GRM8: variants seen among roughly 807,000 people sequenced by gnomAD.
The protein encoded by GRM8 is glutamate metabotropic receptor 8.
Under a neutral mutation model 87.2 loss-of-function variants are expected in GRM8, and 47 were observed. The observed-to-expected ratio is 0.54, with a 90% CI of 0.43 to 0.69. The LOEUF is 0.69. Ranked by LOEUF, GRM8 falls within the 30% of genes least tolerant of loss-of-function variation. The pLI is 0.00. For missense variants in GRM8, 1,019 were observed against 1,139.2 expected (o/e 0.89, Z 1.52); for synonymous variants, 396 against 404.5 (o/e 0.98, Z 0.25).
chr7:126,531,632 G>C (rs1490458954), intron 9 of GRM8, among the ~76,000 whole-genome samples: 1 of 152,174 alleles, frequency 6.6e-6, no homozygotes, highest in Non-Finnish European at 1.5e-5. Flanking sequence ...TTATTGTTCT[G>C]AGAGAAAATG....
intron 8 of GRM8, among the ~76,000 whole-genome samples, chr7:126,558,437 C>T (rs1793370996): frequency 1.3e-5 from 2 of 152,140 alleles, no homozygotes; most frequent in South Asian, 2.1e-4. Context: ...GGTAGCTTAA[C>T]CACAAAGCCA....
At position 126,522,054 on chromosome 7, in the gene GRM8, T is replaced by G. The variant is rs1813061112; in HGVS notation, c.2430+10898A>C. Reference sequence around the variant, plus strand: ...AGTCATTAGCCATTTAAAAACTGGTTTGCTCTTTTAGTCCAGACCAGAGAG... The same window carrying G: ...AGTCATTAGCCATTTAAAAACTGGTGTGCTCTTTTAGTCCAGACCAGAGAG... On this transcript the variant is annotated intron_variant, in intron 9 of 10. Transcript: ENST00000339582. Among the ~76,000 whole-genome samples, 2 of 152,206 alleles carry G rather than the reference T, an allele frequency of 1.3e-5. 1 individual carries two copies. Among genetic ancestry groups the G allele is most frequent in the South Asian group, 4.1e-4 (2 of 4,834 alleles).
intron 2 of GRM8, among the ~76,000 whole-genome samples, chr7:127,169,615 T>C (rs1793669605): frequency 6.6e-6 from 1 of 151,746 alleles, no homozygotes; most frequent in African/African-American, 2.4e-5. Context: ...CCATCCAGGA[T>C]TAACTAGAGA....
At chr7:126,905,515 G>A (rs1439512301) in intron 3 of GRM8, among the ~76,000 whole-genome samples, 1 of 152,116 alleles carries the variant, frequency 6.6e-6, no homozygotes, top group Non-Finnish European at 1.5e-5. Context: ...ACTGCATTAT[G>A]GTATAAACAG....
intron 8 of GRM8, among the ~76,000 whole-genome samples, chr7:126,603,425 A>C (rs1798021163): frequency 1.3e-5 from 2 of 151,448 alleles, no homozygotes; most frequent in Admixed American, 6.6e-5. Flanking sequence ...GTATTCAATT[A>C]GGAAAAGAGG....
rs1281030134 is a variant in GRM8, at chr7:127,252,622, C to T, written c.-312+175G>A. ...ATATGAGAAGGAATGGTGCACCTGG[C>T]TGTCCGCTGAAAGGTTTTAGAGAAG... is the stretch of plus-strand genomic sequence containing the variant. On this transcript the variant is annotated intron_variant, in intron 1 of 10. Transcript: ENST00000339582. This position sits in a 1 kb window ranked among gnomAD's most constrained non-coding sequence, Gnocchi z 4.9. 6.6e-6 allele frequency among the ~76,000 whole-genome samples: 1 copy of T among 152,280 alleles called. No homozygotes were observed. Among genetic ancestry groups the T allele is most frequent in the East Asian group, 1.9e-4 (1 of 5,176 alleles).
chr7:126,888,475 G>A (rs1386608799), intron 6 of GRM8, among the ~76,000 whole-genome samples: 4 of 152,056 alleles, frequency 2.6e-5, no homozygotes, highest in Admixed American at 6.6e-5. Flanking sequence ...GCAAAATATC[G>A]AACAGGATGA....
rs184483076 is a variant in GRM8, at chr7:126,486,117, C to T, written c.2431-39745G>A. 3.3e-4 allele frequency among the ~76,000 whole-genome samples: 50 copies of T among 152,086 alleles called. No homozygotes were observed. In the East Asian group the frequency reaches 7.4e-3, roughly 23 times the overall value. On this transcript the variant is annotated intron_variant, in intron 9 of 10. Coordinates refer to ENST00000339582, the MANE Select transcript of GRM8 (RefSeq NM_000845.3). ...TCAGACACTGACCAGTTGAACCCCC[C>T]GTCCAACAAACCATAGCTACATAGC...
chr7:126,878,869 A>C (rs1799768749), intron 6 of GRM8, among the ~76,000 whole-genome samples: 1 of 151,802 alleles, frequency 6.6e-6, no homozygotes, highest in Non-Finnish European at 1.5e-5. Flanking sequence ...TATTGTTTAA[A>C]AAACATGATG....
At chr7:126,511,389 G>C (rs1202086680) in intron 9 of GRM8, 1 of 152,082 alleles carries the variant, frequency 6.6e-6, no homozygotes, top group African/African-American at 2.4e-5. Context: ...ACATCTCCTT[G>C]AGAATTTTAG....
At chr7:126,900,658 C>G (rs896615076) in intron 6 of GRM8, among the ~76,000 whole-genome samples, 1 of 58,418 alleles carries the variant, frequency 1.7e-5, no homozygotes, top group African/African-American at 1.0e-4. Context: ...TACAGGCGCC[C>G]GCCACACGCC....
chr7:127,030,621 A>T (rs567327704), intron 3 of GRM8, among the ~76,000 whole-genome samples: 1 of 152,270 alleles, frequency 6.6e-6, no homozygotes, highest in East Asian at 1.9e-4. Context: ...TACTCATTAA[A>T]GATCTGTTAA....
At chr7:126,979,656 A>G (rs993549239) in intron 3 of GRM8, among the ~76,000 whole-genome samples, 2 of 152,288 alleles carry the variant, frequency 1.3e-5, no homozygotes, top group Middle Eastern at 3.4e-3. Context: ...TTTCACAAAG[A>G]CCTTCAGAGT....
intron 8 of GRM8, among the ~76,000 whole-genome samples, chr7:126,552,044 A>C (rs139166100): frequency 2.6e-5 from 4 of 151,940 alleles, no homozygotes; most frequent in African/African-American, 9.7e-5. Context: ...ACATGTCTCT[A>C]TTTACTCTTG....
At chr7:127,166,778 C>A (rs185640106) in intron 2 of GRM8, among the ~76,000 whole-genome samples, 4 of 152,040 alleles carry the variant, frequency 2.6e-5, no homozygotes, top group African/African-American at 9.7e-5. Context: ...CTTATGGAGT[C>A]CTCTTATGAA....
chr7:126,905,316 A>G (rs1802564905), intron 3 of GRM8, among the ~76,000 whole-genome samples: 1 of 152,114 alleles, frequency 6.6e-6, no homozygotes, highest in South Asian at 2.1e-4. Context: ...TTTTCACTGC[A>G]AATAAAAAGA....
chr7:126,550,156 C>A (rs1019700301), intron 8 of GRM8, among the ~76,000 whole-genome samples: 2 of 151,880 alleles, frequency 1.3e-5, no homozygotes, highest in African/African-American at 2.4e-5. Flanking sequence ...CCCTCTGTCC[C>A]CAGGCTGGAG....
At position 126,890,741 on chromosome 7, in the gene GRM8, G is replaced by GT. The variant is rs547207680; in HGVS notation, c.1156+11800dup. 3.6e-3 allele frequency among the ~76,000 whole-genome samples: 551 copies of GT among 152,150 alleles called. 4 individuals are homozygous for GT. The highest frequency in any genetic ancestry group is 0.013 in the African/African-American group (520 of 41,538). On this transcript the variant is annotated intron_variant, in intron 6 of 10. Coordinates refer to ENST00000339582, the MANE Select transcript of GRM8 (RefSeq NM_000845.3). ...AAGAGACACAAAGGAGAGGATCAGG[G>GT]TTGTAGAATAGAGACATGGCCAGAG... is the stretch of plus-strand genomic sequence containing the variant.
At chr7:126,733,270 ACTG>A (rs1292741326) in intron 7 of GRM8, among the ~76,000 whole-genome samples, 11 of 152,108 alleles carry the variant, frequency 7.2e-5, no homozygotes, top group African/African-American at 2.6e-4. Context: ...CCTAATGGAA[ACTG>A]TAATAAAAGA....
Sources: gnomAD v4.1 joint callset for allele counts (sites outside exome capture counted in the v4.1 genomes callset) on GRCh38, gnomAD v4.1.1 for gene constraint, Gnocchi (gnomAD v3.1) non-coding constraint, MANE v1.5 for transcripts, NCBI Gene and HGNC (gene_info 2026-07-23, HGNC 2026-07-21) for gene names.